PTPRT: variants seen among roughly 807,000 people sequenced by gnomAD.
The protein encoded by PTPRT is protein tyrosine phosphatase receptor type T.
In PTPRT, 56 loss-of-function variants were observed where a neutral mutation model predicts 176.8. That is an observed-to-expected ratio of 0.32 (90% CI 0.26 to 0.40). The LOEUF is 0.40. Ranked by LOEUF, PTPRT falls within the 10% of genes least tolerant of loss-of-function variation. The pLI is 1.00. For missense variants in PTPRT, 1,540 were observed against 1,908.2 expected, an observed-to-expected ratio of 0.81 and a Z score of 3.60; for synonymous variants, 783 against 739.0, an observed-to-expected ratio of 1.06 and a Z score of -0.96.
chr20:42,229,916 T>A (rs537878834), intron 15 of PTPRT, among the ~76,000 whole-genome samples: 1 of 152,192 alleles, frequency 6.6e-6, no homozygotes, highest in Non-Finnish European at 1.5e-5. Context: ...TGTCCGTATG[T>A]CTTTTAAATT....
intron 7 of PTPRT, among the ~76,000 whole-genome samples, chr20:42,562,270 A>T (rs186411623): frequency 6.6e-6 from 1 of 152,132 alleles, no homozygotes; most frequent in Admixed American, 6.5e-5. Context: ...GTAATGCCAC[A>T]CCCCCATAGG....
chr20:42,708,968 C>A (rs2076102208), intron 6 of PTPRT, among the ~76,000 whole-genome samples: 1 of 152,174 alleles, frequency 6.6e-6, no homozygotes, highest in Non-Finnish European at 1.5e-5. Context: ...AGAGAATGGG[C>A]AGCAAGTGCT....
chr20:42,764,887 G>A (rs1437494321), intron 5 of PTPRT, among the ~76,000 whole-genome samples: 2 of 152,186 alleles, frequency 1.3e-5, no homozygotes, highest in African/African-American at 4.8e-5. Flanking sequence ...TCAGATGCAG[G>A]CAGGTAGGTA....
At chr20:42,046,598 C>A in the PTPRT span, among the ~76,000 whole-genome samples, 2 of 152,160 alleles carry the variant, frequency 1.3e-5, no homozygotes, top group Admixed American at 1.3e-4. Context: ...CAGTGGGGAC[C>A]AGTGACACCT....
chr20:42,428,900 T>A (rs1339777345), intron 9 of PTPRT, among the ~76,000 whole-genome samples: 2 of 152,132 alleles, frequency 1.3e-5, no homozygotes, highest in Non-Finnish European at 2.9e-5. Context: ...TCAGTCACCC[T>A]CTTCATTCCA....
intron 1 of PTPRT, among the ~76,000 whole-genome samples, chr20:43,139,125 G>A (rs2013924161): frequency 6.6e-6 from 1 of 152,204 alleles, no homozygotes; most frequent in African/African-American, 2.4e-5. Context: ...AGACCGCATG[G>A]TACAGGCAAG....
At chr20:42,996,849 G>A (rs1358596193) in intron 1 of PTPRT, among the ~76,000 whole-genome samples, 1 of 152,068 alleles carries the variant, frequency 6.6e-6, no homozygotes, top group East Asian at 1.9e-4. Flanking sequence ...TTGTAAAATG[G>A]GAACAATAGT....
At chr20:42,352,462 A>G (rs928435012) in intron 9 of PTPRT, among the ~76,000 whole-genome samples, 177 bp from the exon 10 acceptor site, 1 of 152,180 alleles carries the variant, frequency 6.6e-6, no homozygotes, top group Non-Finnish European at 1.5e-5. Context: ...CAGCCTCCAA[A>G]TACCCCATTG....
chr20:42,756,116 C>T (rs1303876852), intron 6 of PTPRT, among the ~76,000 whole-genome samples: 2 of 152,150 alleles, frequency 1.3e-5, no homozygotes, highest in Admixed American at 6.5e-5. Flanking sequence ...AGTACGAGAA[C>T]ACTGCCACAG....
At chr20:42,300,257 CAAAAAAAAA>C (rs761176814) in intron 12 of PTPRT, among the ~76,000 whole-genome samples, 1 of 49,618 alleles carries the variant, frequency 2.0e-5, no homozygotes, top group Non-Finnish European at 3.8e-5. Flanking sequence ...AACTCCGTCT[CAAAAAAAAA>C]AAAAAAAAAA....
chr20:42,443,400 T>G (rs145463203), intron 9 of PTPRT, among the ~76,000 whole-genome samples: 1 of 152,352 alleles, frequency 6.6e-6, no homozygotes, highest in East Asian at 1.9e-4. Flanking sequence ...TGCTAGTTTG[T>G]GGACACAAGG....
chr20:42,594,242 T>A (rs190517886), intron 7 of PTPRT, among the ~76,000 whole-genome samples: 6 of 152,234 alleles, frequency 3.9e-5, no homozygotes, highest in Admixed American at 3.3e-4. Flanking sequence ...AGACGCTGCC[T>A]CCATGCAAAT....
intron 6 of PTPRT, among the ~76,000 whole-genome samples, chr20:42,693,599 C>T (rs983499914): frequency 6.6e-6 from 1 of 152,168 alleles, no homozygotes; most frequent in African/African-American, 2.4e-5. Context: ...GCTGACACTT[C>T]ACTGTGGTAG....
At chr20:42,347,792 T>C (rs1487095706) in intron 11 of PTPRT, among the ~76,000 whole-genome samples, 2 of 152,250 alleles carry the variant, frequency 1.3e-5, no homozygotes, top group Non-Finnish European at 2.9e-5. Flanking sequence ...AGCCTTGCAA[T>C]AAACTTTTCT....
rs535790137 is a variant in PTPRT at position 43,056,117 on chromosome 20, A to T, written c.88+133529T>A. ...AAGAAGAGTCAAATCCAAAACCTGA[A>T]CTCTTGGGTCCCATTCATTATACTA... On this transcript the variant is annotated intron_variant, in intron 1 of 30. Transcript: ENST00000373187. Among the ~76,000 whole-genome samples the T allele has an allele frequency of 3.9e-5, 6 of 152,222 alleles. No individual in the cohort carries two copies. The South Asian group carries it at 1.2e-3, about 32-fold the overall frequency.
At chr20:42,136,232 C>CTTTTTTT (rs397864699) in intron 18 of PTPRT, among the ~76,000 whole-genome samples, 5 of 63,050 alleles carry the variant, frequency 7.9e-5, no homozygotes, top group South Asian at 9.0e-4. Context: ...AAGAACAGTG[C>CTTTTTTT]TTTTTTTTTT....
chr20:42,567,292 A>G (rs965320128), intron 7 of PTPRT, among the ~76,000 whole-genome samples: 2 of 149,676 alleles, frequency 1.3e-5, no homozygotes, highest in African/African-American at 5.0e-5. Context: ...AAAAAATAAA[A>G]GAGAGAGAGA....
intron 22 of PTPRT, among the ~76,000 whole-genome samples, chr20:42,113,217 T>C (rs891473681): frequency 6.6e-6 from 1 of 152,200 alleles, no homozygotes; most frequent in African/African-American, 2.4e-5. Flanking sequence ...TCTTCCCTCG[T>C]GGTTGTTTAA....
chr20:42,980,737 C>T (rs1444734822), intron 1 of PTPRT, among the ~76,000 whole-genome samples: 1 of 152,174 alleles, frequency 6.6e-6, no homozygotes, highest in African/African-American at 2.4e-5. Context: ...AGACAGGTTT[C>T]TTCCTGATAA....
Sources: gnomAD v4.1 joint callset for allele counts (sites outside exome capture counted in the v4.1 genomes callset) on GRCh38, gnomAD v4.1.1 for gene constraint, MANE v1.5 for transcripts, NCBI Gene and HGNC (gene_info 2026-07-23, HGNC 2026-07-21) for gene names.